PRMT3: variants seen among roughly 807,000 people sequenced by gnomAD.
PRMT3 encodes protein arginine methyltransferase 3.
PRMT3 carries 62 observed loss-of-function variants against 71.9 expected under a neutral mutation model. That is an observed-to-expected ratio of 0.86 (90% CI 0.70 to 1.07). The LOEUF is 1.07. PRMT3 is among the 50% of genes least tolerant of loss of function. The probability of loss-of-function intolerance (pLI) is 0.00; values close to 1 mark genes in which losing one functional copy is unlikely to be tolerated. For missense variants in PRMT3, 663 were observed against 643.0 expected, an observed-to-expected ratio of 1.03 and a Z score of -0.34; for synonymous variants, 213 against 220.4, an observed-to-expected ratio of 0.97 and a Z score of 0.30.
At chr11:20,489,202 A>T (rs770124913) in intron 13 of PRMT3, among the ~76,000 whole-genome samples, 3 of 152,256 alleles carry the variant, frequency 2.0e-5, no homozygotes, top group Middle Eastern at 3.4e-3. Context: ...TTTTATAACT[A>T]AACTTTTAGT....
intron 12 of PRMT3, among the ~76,000 whole-genome samples, chr11:20,463,812 A>G (rs895275115): frequency 1.3e-5 from 2 of 152,164 alleles, no homozygotes; most frequent in African/African-American, 4.8e-5. Context: ...AGGTGATTCC[A>G]TCCCTTCTCC....
rs548714649 is a variant in PRMT3, at chr11:20,389,910, G to A, written c.247+84G>A. The stretch of plus-strand genomic sequence containing the variant: ...CTCACACCTGTAATCCCAGCACTTT[G>A]GGAGGCTGAGGTGGGTGGATCACTT... On this transcript the variant is annotated intron_variant, in intron 3 of 15. Coordinates refer to ENST00000331079, the MANE Select transcript of PRMT3 (RefSeq NM_005788.4). 4 of 1,010,416 alleles carry A rather than the reference G, an allele frequency of 4.0e-6. No individual in the cohort carries two copies. In the African/African-American group the frequency reaches 6.3e-5, roughly 16 times the overall value. The allele number at this position is 1,010,416 out of a possible 1,614,324, so 62.6% of individuals were successfully genotyped here.
At chr11:20,390,025 C>T (rs558528030) in intron 3 of PRMT3, among the ~76,000 whole-genome samples, 199 bp downstream of exon 3, 14 of 152,188 alleles carry the variant, frequency 9.2e-5, no homozygotes, top group South Asian at 8.3e-4. Flanking sequence ...GTGACGCACA[C>T]CTGTAATAGC....
chr11:20,446,564 A>G lies in PRMT3; in HGVS notation c.994-5566A>G, dbSNP rs562481757. ...CATGAAAATATTCTCCATAAGCTCT[A>G]TACCTTTCCCTTTTACATTTAGGTC... On this transcript the variant is annotated intron_variant, in intron 10 of 15. Transcript: ENST00000331079. Among the ~76,000 whole-genome samples the G allele has an allele frequency of 3.3e-5, 5 of 152,226 alleles. No homozygotes were observed. The South Asian group carries it at 1.0e-3, about 32-fold the overall frequency.
rs958244490 is a variant in PRMT3, at chr11:20,489,984, C to T, written c.1348-3935C>T. On this transcript the variant is annotated intron_variant, in intron 13 of 15. Transcript: ENST00000331079. ...AGAAAAAAAGGTAACACCACAAACC[C>T]TGTCTCTTTAAGGGGCATTCTAGAT... 8.1e-5 allele frequency among the ~76,000 whole-genome samples: 12 copies of T among 148,574 alleles called. No homozygotes were observed. In the Admixed American group the frequency reaches 8.2e-4, roughly 10 times the overall value.
At chr11:20,417,894 A>G (rs1025844454) in intron 9 of PRMT3, among the ~76,000 whole-genome samples, 1 of 152,040 alleles carries the variant, frequency 6.6e-6, no homozygotes, top group Non-Finnish European at 1.5e-5. Context: ...CTCAGATGTC[A>G]CTTAGATAAG....
At chr11:20,508,040 A>G (rs1284569158) in intron 15 of PRMT3, among the ~76,000 whole-genome samples, 1 of 150,558 alleles carries the variant, frequency 6.6e-6, no homozygotes, top group Non-Finnish European at 1.5e-5. Context: ...CAGGAGGCGG[A>G]GGTTGCAGTG....
At chr11:20,406,085 A>T (rs1849063919) in intron 8 of PRMT3, 1 of 152,178 alleles carries the variant, frequency 6.6e-6, no homozygotes, top group South Asian at 2.1e-4. Flanking sequence ...AGTATCTGTG[A>T]GGGATTGGTT....
At chr11:20,412,733 ATTAAT>A (rs71063631) in intron 9 of PRMT3, among the ~76,000 whole-genome samples, 124,270 of 151,616 alleles carry the variant, frequency 0.82, 52,847 homozygotes, top group Non-Finnish European at 0.95. Flanking sequence ...AATTGCTAAC[ATTAAT>A]TTAGTTTTTT....
chr11:20,408,025 A>T lies in PRMT3; in HGVS notation c.886A>T (p.Ile296Phe). The change falls in exon 9 of 16, where the codon ATT becomes TTT. Residue 296 changes from isoleucine (I) to phenylalanine (F), a missense_variant. Coordinates refer to ENST00000331079, the MANE Select transcript of PRMT3 (RefSeq NM_005788.4). ...TGAAATACTTTACCAGGCAATGGAT[A>T]TTATAAGGTACATATATTTTAAGCC... ...QSEILYQAMD[I>F]IRLNKLEDTI... is the part of the protein sequence containing the mutation. 6.4e-7 allele frequency: 1 copy of T among 1,567,712 alleles called. No homozygotes were observed. Among genetic ancestry groups the T allele is most frequent in the Non-Finnish European group, 8.7e-7 (1 of 1,143,864 alleles).
intron 15 of PRMT3, among the ~76,000 whole-genome samples, chr11:20,504,707 TGAGAGAGAGAGAGAGAGAGAGA>T (rs57201745): frequency 1.5e-5 from 2 of 133,588 alleles, no homozygotes; most frequent in Non-Finnish European, 3.1e-5. Context: ...TGTGTGTGTG[TGAGAGAGAGAGAGAGAGAGAGA>T]GAGAGAGAGA....
At chr11:20,422,316 C>T (rs1849445110) in intron 9 of PRMT3, among the ~76,000 whole-genome samples, 1 of 152,096 alleles carries the variant, frequency 6.6e-6, no homozygotes, top group African/African-American at 2.4e-5. Flanking sequence ...ACTCTCAGAA[C>T]ATAGTAGTCC....
chr11:20,398,742 C>T (rs182464862), intron 7 of PRMT3, among the ~76,000 whole-genome samples: 1 of 152,184 alleles, frequency 6.6e-6, no homozygotes, highest in Non-Finnish European at 1.5e-5. Context: ...CTACAGTATT[C>T]AGTACAGTGA....
At chr11:20,488,376 C>G (rs1851128787) in intron 13 of PRMT3, among the ~76,000 whole-genome samples, 1 of 152,152 alleles carries the variant, frequency 6.6e-6, no homozygotes, top group African/African-American at 2.4e-5. Context: ...TGTCTGCTTA[C>G]TCTTTCTTTG....
intron 14 of PRMT3, 96 bp downstream of exon 14, chr11:20,494,065 T>C (rs1851275549): frequency 1.4e-6 from 2 of 1,446,166 alleles, no homozygotes; most frequent in Admixed American, 1.8e-5. Flanking sequence ...AGCATTTTGC[T>C]GCTGTAAGCA....
At chr11:20,399,437 ATATGT>A (rs1171065619) in intron 7 of PRMT3, among the ~76,000 whole-genome samples, 1 of 152,112 alleles carries the variant, frequency 6.6e-6, no homozygotes, top group Non-Finnish European at 1.5e-5. Flanking sequence ...TAAATAATAG[ATATGT>A]TATTATAAGT....
At chr11:20,474,768 C>T (rs897268278) in intron 13 of PRMT3, among the ~76,000 whole-genome samples, 1 of 152,152 alleles carries the variant, frequency 6.6e-6, no homozygotes, top group African/African-American at 2.4e-5. Flanking sequence ...GTTCTCTCAG[C>T]GAGGCAATGG....
intron 15 of PRMT3, among the ~76,000 whole-genome samples, chr11:20,506,091 A>G (rs1851584480): frequency 6.6e-6 from 1 of 152,154 alleles, no homozygotes; most frequent in African/African-American, 2.4e-5. Context: ...TCTGAACTTC[A>G]TCTGTGAGTA....
chr11:20,464,648 T>C, intron 13 of PRMT3, 102 bp downstream of exon 13: 1 of 1,522,364 alleles, frequency 6.6e-7, no homozygotes, highest in Non-Finnish European at 8.8e-7. Flanking sequence ...AAAATGACTA[T>C]TGCCTCTGAC....
Sources: allele counts gnomAD v4.1 joint callset (sites outside exome capture counted in the v4.1 genomes callset), GRCh38; gene constraint gnomAD v4.1.1; transcripts MANE v1.5; gene names NCBI Gene and HGNC (gene_info 2026-07-23, HGNC 2026-07-21).